Variants in MBD5 observed in about 807,000 individuals in gnomAD.
MBD5 encodes the protein methyl-CpG binding domain protein 5, also known as methyl-CpG-binding domain protein 5.
Under a neutral mutation model 117.3 loss-of-function variants are expected in MBD5, and 13 were observed. The ratio of observed to expected loss-of-function variants is 0.11; its 90% confidence interval spans 0.07 to 0.18. The LOEUF (loss-of-function observed/expected upper bound fraction) is 0.18, where lower values mean the gene tolerates loss of function less well. MBD5 is among the 10% of genes least tolerant of loss of function. MBD5 has a pLI of 1.00. For synonymous variants in MBD5, 727 were observed against 766.4 expected (o/e 0.95, Z 0.85); for missense variants, 1,879 against 2,093.8 (o/e 0.90, Z 2.00).
intron 4 of MBD5, among the ~76,000 whole-genome samples, chr2:148,344,367 T>G (rs1157797741): frequency 1.3e-5 from 2 of 152,074 alleles, no homozygotes; most frequent in East Asian, 3.8e-4. Context: ...ACATTGGTAG[T>G]TTGATAGCAA....
chr2:148,169,864 TG>T (rs1461581514), intron 1 of MBD5, among the ~76,000 whole-genome samples: 1 of 151,732 alleles, frequency 6.6e-6, no homozygotes, highest in Non-Finnish European at 1.5e-5. Context: ...TCTTTGTTCC[TG>T]AAAGTGACCT....
chr2:148,466,656 ATC>A (rs949293518), intron 7 of MBD5, among the ~76,000 whole-genome samples: 56 of 152,266 alleles, frequency 3.7e-4, no homozygotes, highest in African/African-American at 1.3e-3. Flanking sequence ...AACTTTAAAA[ATC>A]TCTTTTTAAC....
intron 2 of MBD5, among the ~76,000 whole-genome samples, chr2:148,221,698 A>C (rs1699691451): frequency 6.6e-6 from 1 of 151,888 alleles, no homozygotes; most frequent in South Asian, 2.1e-4. Context: ...TATTTTCTCC[A>C]ATTCTTTGTG....
At chr2:148,142,813 T>C (rs1697351145) in intron 1 of MBD5, among the ~76,000 whole-genome samples, 1 of 152,136 alleles carries the variant, frequency 6.6e-6, no homozygotes, top group Non-Finnish European at 1.5e-5. Context: ...GATACCCAGA[T>C]AGCAGTGGTG....
At chr2:148,232,269 CT>C (rs1385515608) in intron 2 of MBD5, among the ~76,000 whole-genome samples, 1 of 152,258 alleles carries the variant, frequency 6.6e-6, no homozygotes, top group East Asian at 1.9e-4. Context: ...TATGGAAAGT[CT>C]TTGGGGGATT....
chr2:148,158,947 C>G (rs975652498), intron 1 of MBD5, among the ~76,000 whole-genome samples: 1 of 152,232 alleles, frequency 6.6e-6, no homozygotes, highest in Non-Finnish European at 1.5e-5. Context: ...TGGTCTCGAT[C>G]TCCTGACCTT....
At chr2:148,308,057 T>C (rs531815675) in intron 3 of MBD5, among the ~76,000 whole-genome samples, 1 of 152,302 alleles carries the variant, frequency 6.6e-6, no homozygotes, top group Non-Finnish European at 1.5e-5. Context: ...GGCATTTGGG[T>C]TGGTTCCAAG....
intron 3 of MBD5, among the ~76,000 whole-genome samples, chr2:148,279,592 T>G (rs1701194426): frequency 6.6e-6 from 1 of 152,248 alleles, no homozygotes; most frequent in Admixed American, 6.5e-5. Flanking sequence ...ATCACAGTAT[T>G]GCTTTGCTAC....
intron 4 of MBD5, among the ~76,000 whole-genome samples, chr2:148,410,995 C>T (rs1444223726): frequency 2.0e-5 from 3 of 152,038 alleles, no homozygotes; most frequent in Admixed American, 1.3e-4. Context: ...AGTTTTTTGA[C>T]CTTCACCTTC....
intron 1 of MBD5, among the ~76,000 whole-genome samples, chr2:148,104,015 A>G (rs1158829311): frequency 2.0e-5 from 3 of 151,858 alleles, no homozygotes; most frequent in Non-Finnish European, 2.9e-5. Context: ...TGAGTACCCT[A>G]CTCTTCCCTT....
At chr2:148,447,166 AGAAAGGAAGAAG>A (rs1706567315) in intron 4 of MBD5, among the ~76,000 whole-genome samples, 1 of 137,978 alleles carries the variant, frequency 7.2e-6, no homozygotes, top group African/African-American at 2.8e-5. Context: ...AAAGAAAGGA[AGAAAGGAAGAAG>A]GAAAGAAAGA....
intron 2 of MBD5, among the ~76,000 whole-genome samples, chr2:148,200,976 A>C (rs1699125433): frequency 6.6e-6 from 1 of 152,216 alleles, no homozygotes; most frequent in Non-Finnish European, 1.5e-5. Flanking sequence ...TTAAAAATAA[A>C]GCAAAGTTGT....
intron 1 of MBD5, among the ~76,000 whole-genome samples, chr2:148,051,604 AGTGTGTGTGT>A (rs59584574): frequency 0.036 from 4,961 of 139,184 alleles, 107 homozygotes; most frequent in Admixed American, 0.081. Context: ...CTGTTTGTTG[AGTGTGTGTGT>A]GTGTGTGTGT....
intron 3 of MBD5, among the ~76,000 whole-genome samples, chr2:148,323,066 A>C (rs543793954): frequency 6.6e-6 from 1 of 151,120 alleles, no homozygotes; most frequent in Non-Finnish European, 1.5e-5. Context: ...TCATTGTACA[A>C]TTCCCACCTA....
chr2:148,328,848 G>A (rs557015446), intron 3 of MBD5, among the ~76,000 whole-genome samples: 28 of 152,126 alleles, frequency 1.8e-4, no homozygotes, highest in African/African-American at 6.5e-4. Flanking sequence ...GTTCCTATTC[G>A]GCCATCCATA....
intron 3 of MBD5, among the ~76,000 whole-genome samples, chr2:148,331,135 A>T (rs115030722): frequency 5.4e-4 from 83 of 152,298 alleles, no homozygotes; most frequent in Non-Finnish European, 9.1e-4. Context: ...GTTTTCTAGA[A>T]ATTTCTCCTA....
At chr2:148,110,872 T>A (rs1204056828) in intron 1 of MBD5, among the ~76,000 whole-genome samples, 1 of 152,084 alleles carries the variant, frequency 6.6e-6, no homozygotes, top group Non-Finnish European at 1.5e-5. Context: ...AAATTTATGC[T>A]ATTTTTATCA....
intron 1 of MBD5, among the ~76,000 whole-genome samples, chr2:148,143,965 C>A (rs537424349): frequency 0.012 from 1,872 of 152,136 alleles, 45 homozygotes; most frequent in African/African-American, 0.043. Context: ...TGGGTATATA[C>A]CCAGTAATGG....
chr2:148,417,997 G>A (rs932725103), intron 4 of MBD5, among the ~76,000 whole-genome samples: 6 of 151,926 alleles, frequency 3.9e-5, no homozygotes, highest in East Asian at 1.9e-4. Context: ...CCACCACCAC[G>A]TGCAACTAAT....
Sources: gnomAD v4.1 joint callset for allele counts (sites outside exome capture counted in the v4.1 genomes callset) on GRCh38, gnomAD v4.1.1 for gene constraint, MANE v1.5 for transcripts, NCBI Gene and HGNC (gene_info 2026-07-23, HGNC 2026-07-21) for gene names.